Variants in PDE7B observed in about 807,000 individuals in gnomAD.
PDE7B encodes phosphodiesterase 7B, also known as 3',5'-cyclic-AMP phosphodiesterase 7B.
In PDE7B, 29 loss-of-function variants were observed where a neutral mutation model predicts 56.2. The ratio of observed to expected loss-of-function variants is 0.52; its 90% CI spans 0.38 to 0.70. PDE7B has a LOEUF of 0.70. Ranked by LOEUF, PDE7B falls within the 30% of genes least tolerant of loss-of-function variation. The pLI, the probability that PDE7B is intolerant of heterozygous loss-of-function variation, is 0.00. For missense variants in PDE7B, 490 were observed against 565.0 expected (o/e 0.87, Z 1.35); for synonymous variants, 197 against 196.9 (o/e 1.00, Z 0.00).
At chr6:136,058,169 G>A (rs1010628953) in intron 2 of PDE7B, among the ~76,000 whole-genome samples, 2 of 152,136 alleles carry the variant, frequency 1.3e-5, no homozygotes, top group East Asian at 3.9e-4. Context: ...CAGATAGGGG[G>A]GAACTCAAAA....
intron 2 of PDE7B, among the ~76,000 whole-genome samples, chr6:136,002,687 C>G (rs944105712): frequency 1.3e-5 from 2 of 152,096 alleles, no homozygotes; most frequent in African/African-American, 4.8e-5. Flanking sequence ...ACAGGAGCAC[C>G]CAGATTCATA....
chr6:135,960,274 C>G (rs1184465712), intron 2 of PDE7B, among the ~76,000 whole-genome samples: 2 of 152,154 alleles, frequency 1.3e-5, no homozygotes, highest in Non-Finnish European at 2.9e-5. Context: ...CTTGTAGCAA[C>G]TGTACCATTG....
chr6:136,162,940 C>T (rs921260620), intron 8 of PDE7B, among the ~76,000 whole-genome samples: 1 of 152,246 alleles, frequency 6.6e-6, no homozygotes, highest in African/African-American at 2.4e-5. Flanking sequence ...CAGCTCCATT[C>T]CTGTGGCCTT....
intron 5 of PDE7B, among the ~76,000 whole-genome samples, chr6:136,150,509 T>C (rs1778492260): frequency 6.6e-6 from 1 of 152,226 alleles, no homozygotes; most frequent in African/African-American, 2.4e-5. Flanking sequence ...CAAACATTAG[T>C]TGGCTGCAGA....
intron 1 of PDE7B, among the ~76,000 whole-genome samples, chr6:135,880,369 T>C (rs1775585153): frequency 6.6e-6 from 1 of 152,162 alleles, no homozygotes; most frequent in Non-Finnish European, 1.5e-5. Flanking sequence ...CAAACACTTA[T>C]GAAATACCGA....
At chr6:135,997,623 T>C (rs1270366788) in intron 2 of PDE7B, among the ~76,000 whole-genome samples, 1 of 151,928 alleles carries the variant, frequency 6.6e-6, no homozygotes, top group Non-Finnish European at 1.5e-5. Flanking sequence ...TTAATAACAA[T>C]CTACATGCCT....
At chr6:136,052,812 C>T (rs2128211427) in intron 2 of PDE7B, among the ~76,000 whole-genome samples, 1 of 152,274 alleles carries the variant, frequency 6.6e-6, no homozygotes, top group East Asian at 1.9e-4. Flanking sequence ...GTAAGGTGCT[C>T]TAACTAACTC....
intron 2 of PDE7B, among the ~76,000 whole-genome samples, chr6:136,012,363 G>A (rs145776717): frequency 6.6e-6 from 1 of 152,316 alleles, no homozygotes; most frequent in African/African-American, 2.4e-5. Flanking sequence ...GGTAAGAGGA[G>A]AAATCAAGAT....
At chr6:136,112,675 A>G (rs1434884958) in intron 3 of PDE7B, 2 of 151,812 alleles carry the variant, frequency 1.3e-5, no homozygotes, top group Non-Finnish European at 2.9e-5. Flanking sequence ...ATGGACTCAC[A>G]TTGACTAAAT....
intron 1 of PDE7B, among the ~76,000 whole-genome samples, chr6:135,931,957 A>ACACACGCGCG (rs1774301860): frequency 1.5e-5 from 1 of 67,898 alleles, no homozygotes; most frequent in African/African-American, 1.2e-4. Flanking sequence ...GCGCGCGCAC[A>ACACACGCGCG]CACACACACA....
chr6:136,145,748 C>A (rs552757595), intron 3 of PDE7B, among the ~76,000 whole-genome samples: 1 of 152,244 alleles, frequency 6.6e-6, no homozygotes, highest in Non-Finnish European at 1.5e-5. Context: ...ACTTCCCAGT[C>A]CTCTTTAATT....
chr6:135,887,993 T>C (rs188454258), intron 1 of PDE7B, among the ~76,000 whole-genome samples: 1 of 152,286 alleles, frequency 6.6e-6, no homozygotes, highest in African/African-American at 2.4e-5. Context: ...CCTGGACATA[T>C]ATTTGTGATT....
At chr6:135,895,955 T>C (rs1452962486) in intron 1 of PDE7B, among the ~76,000 whole-genome samples, 1 of 152,152 alleles carries the variant, frequency 6.6e-6, no homozygotes, top group African/African-American at 2.4e-5. Context: ...TCCTTCTTCT[T>C]TAGTTGTACC....
chr6:135,900,014 C>G (rs986926090), intron 1 of PDE7B, among the ~76,000 whole-genome samples: 6 of 152,132 alleles, frequency 3.9e-5, no homozygotes, highest in African/African-American at 1.4e-4. Flanking sequence ...ATTTCTCTAT[C>G]TGACCTCAAG....
chr6:136,102,758 G>A (rs766752353), intron 2 of PDE7B, among the ~76,000 whole-genome samples: 3 of 152,078 alleles, frequency 2.0e-5, no homozygotes, highest in African/African-American at 4.8e-5. Flanking sequence ...CAAAAATGAG[G>A]ATAGCTCTTG....
intron 2 of PDE7B, among the ~76,000 whole-genome samples, chr6:136,047,837 G>A (rs927010949): frequency 6.6e-6 from 1 of 152,222 alleles, no homozygotes; most frequent in South Asian, 2.1e-4. Context: ...ACAGAATAAA[G>A]GATATTATGA....
chr6:135,903,974 T>C (rs7769245), intron 1 of PDE7B, among the ~76,000 whole-genome samples: 29,981 of 152,160 alleles, frequency 0.2, 2,989 homozygotes, highest in East Asian at 0.31. Flanking sequence ...AGTTGCTTTA[T>C]TTTTCCCTTT....
At chr6:135,940,534 A>G (rs62429919) in intron 1 of PDE7B, among the ~76,000 whole-genome samples, 16,601 of 152,212 alleles carry the variant, frequency 0.11, 1,018 homozygotes, top group East Asian at 0.21. Context: ...ACTTCCAGGC[A>G]CTGTCAGGGA....
chr6:135,977,071 G>T (rs1378598469), intron 2 of PDE7B, among the ~76,000 whole-genome samples: 1 of 152,108 alleles, frequency 6.6e-6, no homozygotes, highest in Non-Finnish European at 1.5e-5. Flanking sequence ...AGGGAGGGAG[G>T]AAGTGAGATG....
Sources: gnomAD v4.1 joint callset for allele counts (sites outside exome capture counted in the v4.1 genomes callset) on GRCh38, gnomAD v4.1.1 for gene constraint, MANE v1.5 for transcripts, NCBI Gene and HGNC (gene_info 2026-07-23, HGNC 2026-07-21) for gene names.